DDX47: variants seen among roughly 807,000 people sequenced by gnomAD.
DDX47 encodes the protein DEAD-box helicase 47.
A neutral mutation model predicts 58.8 loss-of-function variants in DDX47; 60 were observed. The observed-to-expected ratio is 1.02, with a 90% CI of 0.83 to 1.26. DDX47 has a LOEUF of 1.26. DDX47 is among the 50% of genes most tolerant of loss of function. The pLI is 0.00. For synonymous variants in DDX47, 197 were observed against 204.6 expected (o/e 0.96, Z 0.32); for missense variants, 530 against 573.2 (o/e 0.92, Z 0.77).
In DDX47 at chr12:12,829,801, T is replaced by C; in HGVS notation, c.*247T>C. ...TCATGACATGAGTAGGGTGTGCTCT[T>C]CTGTCACTTCACACAGACCTTTTGC... On this transcript the variant is annotated 3_prime_UTR_variant, in exon 12 of 12. Coordinates refer to ENST00000358007, the MANE Select transcript of DDX47 (RefSeq NM_016355.4). The C allele has an allele frequency of 2.9e-6, 1 of 345,436 alleles. No individual in the cohort carries two copies. The allele number at this position is 345,436 out of a possible 1,614,324, so 21.4% of individuals were successfully genotyped here.
At chr12:12,827,107 A>C in intron 10 of DDX47, 139 bp from the exon 11 acceptor site, 1 of 1,120,146 alleles carries the variant, frequency 8.9e-7, no homozygotes, top group Middle Eastern at 2.6e-4. Flanking sequence ...CACTTAACCC[A>C]TATTTAGAAA....
At chr12:12,821,755 T>G in intron 4 of DDX47, 29 bp downstream of exon 4, 1 of 1,537,630 alleles carries the variant, frequency 6.5e-7, no homozygotes, top group South Asian at 1.1e-5. Context: ...TAAAAGACAC[T>G]GGCAGTGATG....
In DDX47 at chr12:12,814,149, T is replaced by C. The variant is rs1862859932; in HGVS notation, c.106T>C (p.Cys36Arg). 2.5e-6 allele frequency: 4 copies of C among 1,613,496 alleles called. No individual in the cohort carries two copies. The highest frequency in any genetic ancestry group is 1.3e-5 in the African/African-American group (1 of 74,924). Residue 36 changes from cysteine to arginine, a missense_variant, in exon 2 of 12, where the codon TGT (cysteine) becomes CGT (arginine). Physicochemically the swap from Cys to Arg is radical, Grantham distance 180. Coordinates refer to ENST00000358007, the MANE Select transcript of DDX47 (RefSeq NM_016355.4). ...TTCCAAGGGTGTGACAGATGTGTTG[T>C]GTGAAGCTTGTGACCAGTTGGGATG... Reference protein sequence around the residue: ...FKDLGVTDVLCEACDQLGWTK... With the variant: ...FKDLGVTDVLREACDQLGWTK...
In DDX47 at chr12:12,822,013, A is replaced by G. The variant is rs763978447; in HGVS notation, c.491A>G (p.Asn164Ser). 6.2e-6 allele frequency: 10 copies of G among 1,614,100 alleles called. No homozygotes were observed. The highest frequency in any genetic ancestry group is 4.4e-5 in the South Asian group (4 of 91,082). ...IDHLENTKGF[N>S]LRALKYLVMD... ...CACTTGGAAAATACGAAAGGTTTCA[A>G]CTTGAGAGCTCTCAAATACTTGGTC... Residue 164 changes from asparagine (N) to serine (S), a missense_variant, in exon 5 of 12, where the codon AAC becomes AGC. Physicochemically the swap from Asn to Ser is conservative, Grantham distance 46 (BLOSUM62 1). Coordinates refer to ENST00000358007, the MANE Select transcript of DDX47 (RefSeq NM_016355.4).
At chr12:12,827,067 G>C (rs150443834) in intron 10 of DDX47, among the ~76,000 whole-genome samples, 179 bp from the exon 11 acceptor site, 1 of 152,200 alleles carries the variant, frequency 6.6e-6, no homozygotes, top group Non-Finnish European at 1.5e-5. Flanking sequence ...TCCCTTGAGT[G>C]ATTTTCTAAT....
At chr12:12,818,287 C>T (rs112077463) in intron 2 of DDX47, among the ~76,000 whole-genome samples, 68 of 152,208 alleles carry the variant, frequency 4.5e-4, no homozygotes, top group African/African-American at 1.1e-3. Context: ...TTTGGGAGGC[C>T]GAGGCGGGTG....
Position 12,829,579 on chromosome 12 carries a change from T to G in DDX47, c.*25T>G. On this transcript the variant is annotated 3_prime_UTR_variant, in exon 12 of 12. Coordinates refer to ENST00000358007, the MANE Select transcript of DDX47 (RefSeq NM_016355.4). ...ATCACTTTTATGAAGGCTCGAGTTCTGCTGTTCTGTAAAAGAGAATTGGAG... is the reference window on the plus strand; with the variant it reads ...ATCACTTTTATGAAGGCTCGAGTTCGGCTGTTCTGTAAAAGAGAATTGGAG... The G allele has an allele frequency of 6.2e-7, 1 of 1,608,228 alleles. No individual in the cohort carries two copies. Among genetic ancestry groups the G allele is most frequent in the Non-Finnish European group, 8.5e-7 (1 of 1,178,018 alleles).
Position 12,829,432 on chromosome 12 carries a change from G to A in DDX47, c.1246G>A (p.Glu416Lys). The A allele has an allele frequency of 6.2e-7, 1 of 1,611,494 alleles. No individual in the cohort carries two copies. The highest frequency in any genetic ancestry group is 8.5e-7 in the Non-Finnish European group (1 of 1,178,988). Reference sequence around the variant, plus strand: ...TCTTTTTTTCTTGCAGGAGTTAAGGGAGCATGGAGAAAAGAAGAAACGCTC... The same window carrying A: ...TCTTTTTTTCTTGCAGGAGTTAAGGAAGCATGGAGAAAAGAAGAAACGCTC... Reference protein sequence around the residue: ...AQRFARMELREHGEKKKRSRE... With the variant: ...AQRFARMELRKHGEKKKRSRE... The change falls in exon 12 of 12, where the codon GAG becomes AAG. Residue 416 changes from glutamate to lysine, a missense_variant. By Grantham distance (56) the Glu-to-Lys change is moderately conservative. Transcript: ENST00000358007.
chr12:12,826,778 A>G (rs553369981), intron 10 of DDX47, among the ~76,000 whole-genome samples: 4 of 150,366 alleles, frequency 2.7e-5, no homozygotes, highest in African/African-American at 9.8e-5. Context: ...TTTTTTAAGC[A>G]GCAAGGTTTC....
chr12:12,822,304 T>C (rs1268408798), intron 5 of DDX47, among the ~76,000 whole-genome samples: 1 of 152,244 alleles, frequency 6.6e-6, no homozygotes, highest in Non-Finnish European at 1.5e-5. Context: ...CTTTTCCCTT[T>C]CGTTTAATTT....
chr12:12,822,169 G>T, intron 5 of DDX47, 86 bp downstream of exon 5: 1 of 809,870 alleles, frequency 1.2e-6, no homozygotes, highest in Non-Finnish European at 2.1e-6. Context: ...GTTTCATGTA[G>T]AACATTGCAT....
Position 12,829,620 on chromosome 12 carries a change from A to G in DDX47, c.*66A>G. 1 of 1,566,692 alleles carries G rather than the reference A, an allele frequency of 6.4e-7. No homozygotes were observed. Among genetic ancestry groups the G allele is most frequent in the Non-Finnish European group, 8.7e-7 (1 of 1,155,024 alleles). ...AGAATTGGAGAATGAAACCTGCTCC[A>G]ACAGAGATCATGAGACTGAAATTGG... is the stretch of plus-strand genomic sequence containing the variant. On this transcript the variant is annotated 3_prime_UTR_variant, in exon 12 of 12. Transcript: ENST00000358007.
rs1260376643 is a variant in DDX47 at position 12,822,007 on chromosome 12, G to T, written c.485G>T (p.Gly162Val). The T allele has an allele frequency of 6.2e-7, 1 of 1,613,898 alleles. No homozygotes were observed. The highest frequency in any genetic ancestry group is 1.1e-5 in the South Asian group (1 of 91,078). The change falls in exon 5 of 12, where the codon GGT becomes GTT. Residue 162 changes from glycine to valine, a missense_variant. Physicochemically the swap from Gly to Val is moderately radical, Grantham distance 109 (BLOSUM62 -3). Transcript: ENST00000358007. Reference protein sequence around the residue: ...RLIDHLENTKGFNLRALKYLV... With the variant: ...RLIDHLENTKVFNLRALKYLV... ...ATTGACCACTTGGAAAATACGAAAG[G>T]TTTCAACTTGAGAGCTCTCAAATAC...
intron 11 of DDX47, among the ~76,000 whole-genome samples, chr12:12,827,921 G>C (rs956994054): frequency 8.0e-6 from 1 of 125,452 alleles, no homozygotes; most frequent in African/African-American, 3.0e-5. Flanking sequence ...TTGTTGCCCA[G>C]GCTGGAGCGA....
In DDX47 at chr12:12,821,985, G is replaced by A; in HGVS notation, c.463G>A (p.Asp155Asn). The change falls in exon 5 of 12, where the codon GAC becomes AAC. Residue 155 changes from aspartate to asparagine, a missense_variant. Coordinates refer to ENST00000358007, the MANE Select transcript of DDX47 (RefSeq NM_016355.4). ...GGTAGCAACTCCTGGTCGACTGATT[G>A]ACCACTTGGAAAATACGAAAGGTTT... is the stretch of plus-strand genomic sequence containing the variant. ...IIIATPGRLI[D>N]HLENTKGFNL... 1 of 1,613,064 alleles carries A rather than the reference G, an allele frequency of 6.2e-7. No individual in the cohort carries two copies. Among genetic ancestry groups the A allele is most frequent in the Non-Finnish European group, 8.5e-7 (1 of 1,179,624 alleles).
chr12:12,819,995 T>C (rs1862945682), intron 2 of DDX47, among the ~76,000 whole-genome samples: 1 of 152,208 alleles, frequency 6.6e-6, no homozygotes, highest in Admixed American at 6.5e-5. Flanking sequence ...GAGATTTGTT[T>C]ATTGTAGGAT....
At chr12:12,825,735 C>G (rs1814037851) in intron 9 of DDX47, among the ~76,000 whole-genome samples, 1 of 152,048 alleles carries the variant, frequency 6.6e-6, no homozygotes, top group South Asian at 2.1e-4. Context: ...TTTAAAATAC[C>G]ATGCAGCCTG....
In DDX47 at chr12:12,824,584, T is replaced by A. The variant is rs1006339928; in HGVS notation, c.942T>A (p.Arg314=). The change falls in exon 9 of 12, where the codon CGT becomes CGA. Residue 314 remains arginine, a synonymous_variant. Coordinates refer to ENST00000358007, the MANE Select transcript of DDX47 (RefSeq NM_016355.4). The stretch of plus-strand genomic sequence containing the variant: ...TTAATAAGTTTAAGGCCAAGGCCCG[T>A]TCCATTCTTCTAGCAACTGACGTTG... ...GSLNKFKAKA[R]SILLATDVAS... is the part of the protein sequence containing the mutation. The A allele has an allele frequency of 1.2e-6, 2 of 1,614,024 alleles. No individual in the cohort carries two copies. The highest frequency in any genetic ancestry group is 1.7e-5 in the Admixed American group (1 of 59,986).
chr12:12,814,878 T>C (rs1565445543), intron 2 of DDX47, among the ~76,000 whole-genome samples: 1 of 152,182 alleles, frequency 6.6e-6, no homozygotes, highest in Non-Finnish European at 1.5e-5. Context: ...GGTTTCAGCA[T>C]GTTGGCCAGG....
Sources: gnomAD v4.1 joint callset for allele counts (sites outside exome capture counted in the v4.1 genomes callset) on GRCh38, gnomAD v4.1.1 for gene constraint, MANE v1.5 for transcripts, NCBI Gene and HGNC (gene_info 2026-07-23, HGNC 2026-07-21) for gene names.